The following ATP2B2 variants were observed in gnomAD, a reference collection of about 807,000 sequenced individuals.
ATP2B2 encodes the protein ATPase plasma membrane Ca2+ transporting 2, also known as plasma membrane calcium-transporting ATPase 2.
ATP2B2 carries 15 observed loss-of-function variants against 120.0 expected under a neutral mutation model. The ratio of observed to expected loss-of-function variants is 0.12; its 90% CI spans 0.08 to 0.19. The LOEUF (loss-of-function observed/expected upper bound fraction) is 0.19. ATP2B2 is among the 10% of genes least tolerant of loss of function. The pLI is 1.00. For synonymous variants in ATP2B2, 694 were observed against 700.3 expected, an observed-to-expected ratio of 0.99 and a Z score of 0.14; for missense variants, 1,045 against 1,719.8, an observed-to-expected ratio of 0.61 and a Z score of 6.94.
intron 1 of ATP2B2, among the ~76,000 whole-genome samples, chr3:10,688,343 C>T (rs2071574082): frequency 6.6e-6 from 1 of 152,202 alleles, no homozygotes; most frequent in Non-Finnish European, 1.5e-5. Flanking sequence ...CAGAAGGGCA[C>T]ATCAATTTCA....
intron 1 of ATP2B2, among the ~76,000 whole-genome samples, chr3:10,641,836 A>T (rs1397415466): frequency 6.6e-6 from 1 of 152,070 alleles, no homozygotes. Flanking sequence ...TCATCTACCC[A>T]TCTATTCATC....
intron 1 of ATP2B2, among the ~76,000 whole-genome samples, chr3:10,476,498 G>T (rs1249681995): frequency 6.6e-6 from 1 of 152,198 alleles, no homozygotes; most frequent in Non-Finnish European, 1.5e-5. Context: ...AGAGAGCAAG[G>T]GTCAAGGCTG....
At chr3:10,368,705 AC>A in intron 12 of ATP2B2, among the ~76,000 whole-genome samples, 1 of 151,222 alleles carries the variant, frequency 6.6e-6, no homozygotes, top group Non-Finnish European at 1.5e-5. Flanking sequence ...CTGTCCATCC[AC>A]CCATCCACCC....
chr3:10,419,401 C>T (rs530097384), intron 2 of ATP2B2, among the ~76,000 whole-genome samples: 3 of 152,286 alleles, frequency 2.0e-5, no homozygotes, highest in African/African-American at 4.8e-5. Context: ...AGGATAGATG[C>T]AGCTGTCACT....
rs2059913127 is a variant in ATP2B2 at position 10,329,119 on chromosome 3, C to T, written c.3427G>A (p.Val1143Ile). 1.2e-6 allele frequency: 2 copies of T among 1,605,664 alleles called. No homozygotes were observed. The highest frequency in any genetic ancestry group is 8.5e-7 in the Non-Finnish European group (1 of 1,175,446). Residue 1143 changes from valine (V) to isoleucine (I), a missense_variant, in exon 23 of 23, where the codon GTC (valine) becomes ATC (isoleucine). Transcript: ENST00000360273. This position sits in a 1 kb window ranked among gnomAD's most constrained non-coding sequence, Gnocchi z 5.9. ...GLNRIQTQIR[V>I]VKAFRSSLYE... ...AGAGAGCTACGGAACGCCTTCACGA[C>T]GCGGATCTGCAAGGGAAGCACAGGG...
chr3:10,374,311 T>C (rs1458450864), intron 11 of ATP2B2, among the ~76,000 whole-genome samples: 4 of 152,062 alleles, frequency 2.6e-5, no homozygotes, highest in Non-Finnish European at 4.4e-5. Flanking sequence ...CTTTGGTTTG[T>C]GGGGATGGAG....
chr3:10,615,660 T>A (rs549808786), intron 2 of ATP2B2, among the ~76,000 whole-genome samples: 7 of 152,298 alleles, frequency 4.6e-5, no homozygotes, highest in African/African-American at 1.7e-4. Flanking sequence ...ACCATCACCA[T>A]CCACATCCAA....
rs780286157 is a variant in ATP2B2, at chr3:10,342,844, C to T, written c.2825G>A (p.Arg942His). 3.1e-6 allele frequency: 5 copies of T among 1,613,816 alleles called. No individual in the cohort carries two copies. Among genetic ancestry groups the T allele is most frequent in the African/African-American group, 1.3e-5 (1 of 74,870 alleles). The change falls in exon 19 of 23, where the codon CGC (arginine) becomes CAC (histidine). Residue 942 changes from arginine (R) to histidine (H), a missense_variant. Transcript: ENST00000360273. The surrounding 1 kb of genome is among the most constrained non-coding windows in gnomAD (Gnocchi z 4.4). ...ETLLLRKPYG[R>H]NKPLISRTMM... Reference sequence around the variant, plus strand: ...GGTCCTGGAGATGAGCGGCTTGTTGCGGCCGTACGGCTTCCTCAGCAGCAG... The same window carrying T: ...GGTCCTGGAGATGAGCGGCTTGTTGTGGCCGTACGGCTTCCTCAGCAGCAG...
intron 1 of ATP2B2, among the ~76,000 whole-genome samples, chr3:10,470,440 G>GC (rs2064936247): frequency 6.6e-6 from 1 of 152,160 alleles, no homozygotes; most frequent in Non-Finnish European, 1.5e-5. Flanking sequence ...TTCACCCTGA[G>GC]CCACACTGTC....
intron 1 of ATP2B2, among the ~76,000 whole-genome samples, chr3:10,684,616 G>C (rs1433524093): frequency 1.3e-5 from 2 of 152,178 alleles, no homozygotes; most frequent in Non-Finnish European, 2.9e-5. Context: ...TGAAAATCAG[G>C]ATGAAGATTT....
intron 2 of ATP2B2, among the ~76,000 whole-genome samples, chr3:10,599,848 A>G (rs2068859424): frequency 6.6e-6 from 1 of 152,160 alleles, no homozygotes; most frequent in East Asian, 1.9e-4. Flanking sequence ...TGGATAAACA[A>G]GATCATTTTT....
At chr3:10,561,261 C>G (rs1359593628) in intron 2 of ATP2B2, among the ~76,000 whole-genome samples, 1 of 152,170 alleles carries the variant, frequency 6.6e-6, no homozygotes, top group Non-Finnish European at 1.5e-5. Context: ...CAGTGCTCAA[C>G]TGATTGAATG....
intron 1 of ATP2B2, among the ~76,000 whole-genome samples, 183 bp downstream of exon 1, chr3:10,505,282 G>C (rs151189161): frequency 2.0e-3 from 309 of 152,168 alleles, no homozygotes; most frequent in African/African-American, 6.9e-3. Context: ...TGCAGCCTCG[G>C]CTGCTGCCAG....
intron 1 of ATP2B2, among the ~76,000 whole-genome samples, chr3:10,703,386 C>G (rs924243159): frequency 1.3e-5 from 2 of 152,180 alleles, no homozygotes; most frequent in Admixed American, 6.5e-5. Flanking sequence ...AGTAGGCCCC[C>G]ATTTGACCCT....
intron 2 of ATP2B2, 77 bp from the exon 3 acceptor site, chr3:10,410,892 A>G: frequency 6.5e-7 from 1 of 1,528,626 alleles, no homozygotes; most frequent in Non-Finnish European, 9.0e-7. Flanking sequence ...AGGGGCAGAA[A>G]AGGAGAAACA....
chr3:10,512,028 G>C (rs2066771298), intron 3 of ATP2B2, among the ~76,000 whole-genome samples: 1 of 152,164 alleles, frequency 6.6e-6, no homozygotes, highest in South Asian at 2.1e-4. Flanking sequence ...CTGTGTGCCA[G>C]GCTCTTAACT....
intron 22 of ATP2B2, among the ~76,000 whole-genome samples, chr3:10,334,923 C>T (rs1300201342): frequency 6.6e-6 from 1 of 152,208 alleles, no homozygotes; most frequent in Admixed American, 6.5e-5. Context: ...GAGGCTAAGA[C>T]TGACACTATG....
intron 5 of ATP2B2, 113 bp from the exon 6 acceptor site, chr3:10,388,515 G>A: frequency 2.7e-6 from 4 of 1,473,822 alleles, no homozygotes; most frequent in Non-Finnish European, 3.8e-6. Flanking sequence ...CAGAGGTCAT[G>A]GGGCATCACC....
intron 1 of ATP2B2, among the ~76,000 whole-genome samples, chr3:10,501,477 C>T (rs1405132685): frequency 6.6e-6 from 1 of 151,312 alleles, no homozygotes; most frequent in Non-Finnish European, 1.5e-5. Context: ...CTCAAGCGAT[C>T]CTCCCACCTC....
Sources: gnomAD v4.1 joint callset for allele counts (sites outside exome capture counted in the v4.1 genomes callset) on GRCh38, gnomAD v4.1.1 for gene constraint, Gnocchi (gnomAD v3.1) non-coding constraint, MANE v1.5 for transcripts, NCBI Gene and HGNC (gene_info 2026-07-23, HGNC 2026-07-21) for gene names.